Variants in DGKH observed in about 807,000 individuals in gnomAD.
DGKH encodes the protein diacylglycerol kinase eta.
Under a neutral mutation model 159.3 loss-of-function variants are expected in DGKH, and 90 were observed. The ratio of observed to expected loss-of-function variants is 0.57; its 90% confidence interval spans 0.48 to 0.67. The LOEUF (loss-of-function observed/expected upper bound fraction) is 0.67, where lower values mean the gene tolerates loss of function less well. DGKH is among the 30% of genes least tolerant of loss of function. DGKH has a pLI of 0.00. For missense variants in DGKH, 1,181 were observed against 1,506.1 expected (o/e 0.78, Z 3.57); for synonymous variants, 536 against 553.8 (o/e 0.97, Z 0.45).
At chr13:42,091,303 A>G (rs1954413147) in intron 1 of DGKH, among the ~76,000 whole-genome samples, 1 of 152,184 alleles carries the variant, frequency 6.6e-6, no homozygotes, top group Non-Finnish European at 1.5e-5. Flanking sequence ...TAAAAGAAAA[A>G]ATAAATAAAT....
At chr13:42,225,176 G>T (rs1218999859) in intron 29 of DGKH, 20 of 1,027,062 alleles carry the variant, frequency 1.9e-5, no homozygotes, top group Non-Finnish European at 2.7e-5. Flanking sequence ...GCCTGCCTTG[G>T]CCTCCTACAA....
chr13:42,219,682 A>G lies in DGKH; in HGVS notation c.3334-4A>G. Reference sequence around the variant, plus strand: ...AAAATTATTTTCTTGCTCGATTTGAACAGGAACCTCCTATGGATTGCACCA... The same window carrying G: ...AAAATTATTTTCTTGCTCGATTTGAGCAGGAACCTCCTATGGATTGCACCA... On this transcript the variant is annotated splice_polypyrimidine_tract_variant and splice_region_variant and intron_variant, in intron 27 of 29. Coordinates refer to ENST00000337343, the MANE Select transcript of DGKH (RefSeq NM_178009.5). The G allele has an allele frequency of 1.9e-6, 3 of 1,610,756 alleles. No individual in the cohort carries two copies. The highest frequency in any genetic ancestry group is 3.3e-4 in the Middle Eastern group (2 of 6,038).
chr13:42,185,995 A>AGTGGTG lies in DGKH; in HGVS notation c.1539-1041_1539-1036dup, dbSNP rs1159558879. The stretch of plus-strand genomic sequence containing the variant: ...TAGTGTGTGTGTCTGTTGGGGGAGG[A>AGTGGTG]GTGGTGGTGGTGGTGGTGTGTGTGT... On this transcript the variant is annotated intron_variant, in intron 13 of 29. Coordinates refer to ENST00000337343, the MANE Select transcript of DGKH (RefSeq NM_178009.5). Among the ~76,000 whole-genome samples the AGTGGTG allele has an allele frequency of 1.4e-3, 207 of 143,002 alleles. 3 individuals carry two copies. The highest frequency in any genetic ancestry group is 0.01 in the East Asian group (48 of 4,724). The allele number at this position is 143,002 out of a possible 152,430, so 93.8% of individuals were successfully genotyped here.
downstream of DGKH, among the ~76,000 whole-genome samples, chr13:42,244,898 C>T (rs1316894489): frequency 1.2e-5 from 1 of 83,280 alleles, no homozygotes; most frequent in African/African-American, 5.4e-5. Flanking sequence ...AGCGAGACTC[C>T]GTCTCAAAAA....
At chr13:42,099,345 C>A (rs180924811) in intron 1 of DGKH, among the ~76,000 whole-genome samples, 1 of 152,138 alleles carries the variant, frequency 6.6e-6, no homozygotes, top group South Asian at 2.1e-4. Context: ...GTGCAGAGTG[C>A]GGGGCTGAAT....
At chr13:42,157,101 G>A (rs1233280543) in intron 5 of DGKH, among the ~76,000 whole-genome samples, 1 of 152,170 alleles carries the variant, frequency 6.6e-6, no homozygotes, top group Non-Finnish European at 1.5e-5. Context: ...TGGGCTTGAT[G>A]CATTAAAATT....
At chr13:42,214,781 T>C (rs1294578874) in intron 25 of DGKH, among the ~76,000 whole-genome samples, 169 bp downstream of exon 25, 2 of 152,244 alleles carry the variant, frequency 1.3e-5, no homozygotes, top group Non-Finnish European at 2.9e-5. Context: ...CCTTTTCCTG[T>C]TATTTTTTCA....
At chr13:42,212,643 A>G (rs1377076360) in intron 24 of DGKH, among the ~76,000 whole-genome samples, 1 of 152,220 alleles carries the variant, frequency 6.6e-6, no homozygotes, top group Non-Finnish European at 1.5e-5. Context: ...TTGCAGATGA[A>G]ATCAGGCTCA....
At position 42,240,626 on chromosome 13, in the gene DGKH, A is replaced by G. The variant is rs1958497337; in HGVS notation, c.*11438A>G. ...AAATAGACTGAGTTTGTGTGATTTC[A>G]GGTTATTTAGAGTTATTAATGTAAA... On this transcript the variant is annotated 3_prime_UTR_variant, in exon 30 of 30. Transcript: ENST00000337343. 1 of 152,184 alleles carries G rather than the reference A, an allele frequency of 6.6e-6. No individual in the cohort carries two copies. The highest frequency in any genetic ancestry group is 2.4e-5 in the African/African-American group (1 of 41,430). 9.4% of individuals were successfully genotyped at this position (152,184 alleles called of 1,614,324 possible). A position where few individuals can be genotyped will look rare whatever the true frequency, so the allele number is the denominator to read the frequency against.
chr13:42,055,489 A>G (rs887283407), intron 1 of DGKH, among the ~76,000 whole-genome samples: 10 of 152,358 alleles, frequency 6.6e-5, no homozygotes, highest in Middle Eastern at 3.4e-3. Context: ...AAACCTTTAC[A>G]TATAACTTAA....
Position 42,165,804 on chromosome 13 carries a change from G to T in DGKH, c.958+371G>T, listed in dbSNP as rs147230267. ...GGCTGTTATTAAAATCTGTTTTTCT[G>T]TAATTTCATTGTAGGAATTTATATT... On this transcript the variant is annotated intron_variant, in intron 8 of 29. Transcript: ENST00000337343. Among the ~76,000 whole-genome samples the T allele has an allele frequency of 2.9e-3, 447 of 152,014 alleles. 1 individual carries two copies. In the Middle Eastern group the frequency reaches 0.031, roughly 10 times the overall value.
chr13:42,104,899 C>A (rs1954718441), intron 1 of DGKH, among the ~76,000 whole-genome samples: 2 of 151,802 alleles, frequency 1.3e-5, no homozygotes, highest in African/African-American at 4.8e-5. Flanking sequence ...AATAGTAAAG[C>A]AATATTACTT....
intron 1 of DGKH, among the ~76,000 whole-genome samples, chr13:42,100,556 G>A (rs1397513186): frequency 3.3e-5 from 5 of 152,134 alleles, no homozygotes; most frequent in East Asian, 1.9e-4. Context: ...AACTGGTGCC[G>A]CCATGGTAGC....
At chr13:42,088,130 A>G (rs1170202) in intron 1 of DGKH, among the ~76,000 whole-genome samples, 59,966 of 151,954 alleles carry the variant, frequency 0.39, 12,533 homozygotes, top group African/African-American at 0.51. Context: ...TTAAATGGCT[A>G]AAAGAAAAAA....
intron 13 of DGKH, chr13:42,181,385 C>A (rs1956758991): frequency 1.3e-5 from 2 of 155,914 alleles, no homozygotes; most frequent in African/African-American, 2.4e-5. Flanking sequence ...TCACTTTATA[C>A]CTTCACTATC....
chr13:42,044,590 A>G (rs781237527), upstream of DGKH, among the ~76,000 whole-genome samples: 1 of 152,154 alleles, frequency 6.6e-6, no homozygotes, highest in Non-Finnish European at 1.5e-5. Flanking sequence ...CGCCCGCCCC[A>G]GCACTTCTTT....
intron 23 of DGKH, 35 bp downstream of exon 23, chr13:42,209,500 A>G: frequency 6.6e-7 from 1 of 1,517,452 alleles, no homozygotes; most frequent in South Asian, 1.3e-5. Flanking sequence ...GAATATTGTC[A>G]GGTTTTTAAA....
intron 13 of DGKH, among the ~76,000 whole-genome samples, chr13:42,180,870 A>C (rs568629144): frequency 6.6e-6 from 1 of 152,356 alleles, no homozygotes; most frequent in Admixed American, 6.5e-5. Context: ...GAAGAAAATC[A>C]CTTTATTCCA....
intron 12 of DGKH, among the ~76,000 whole-genome samples, chr13:42,174,693 G>A (rs146666890): frequency 8.5e-5 from 13 of 152,202 alleles, no homozygotes; most frequent in African/African-American, 1.4e-4. Context: ...CTTGCTTTGC[G>A]TACTCTTTTC....
Sources: allele counts gnomAD v4.1 joint callset (sites outside exome capture counted in the v4.1 genomes callset), GRCh38; gene constraint gnomAD v4.1.1; transcripts MANE v1.5; gene names NCBI Gene and HGNC (gene_info 2026-07-23, HGNC 2026-07-21).